The following LMBRD2 variants were observed in gnomAD, a reference collection of about 807,000 sequenced individuals.
The protein encoded by LMBRD2 is LMBR1 domain containing 2.
LMBRD2 carries 55 observed loss-of-function variants against 94.4 expected under a neutral mutation model. That is an observed-to-expected ratio of 0.58 (90% CI 0.47 to 0.73). The LOEUF (loss-of-function observed/expected upper bound fraction) is 0.73. LMBRD2 is among the 30% of genes least tolerant of loss of function. The probability of loss-of-function intolerance (pLI) is 0.00; values close to 1 mark genes in which losing one functional copy is unlikely to be tolerated. For synonymous variants in LMBRD2, 246 were observed against 272.4 expected, an observed-to-expected ratio of 0.90 and a Z score of 0.95; for missense variants, 640 against 831.9, an observed-to-expected ratio of 0.77 and a Z score of 2.84.
intron 16 of LMBRD2, among the ~76,000 whole-genome samples, chr5:36,106,506 TTCG>T (rs1214126869): frequency 7.6e-4 from 103 of 135,622 alleles, no homozygotes; most frequent in Non-Finnish European, 4.7e-4. Context: ...TTTTTTTTCT[TTCG>T]TTTTTTTTTT....
rs565754116 is a variant in LMBRD2 at position 36,102,998 on chromosome 5, G to T, written c.*1048C>A. The T allele has an allele frequency of 3.3e-5, 5 of 151,776 alleles. No homozygotes were observed. Among genetic ancestry groups the T allele is most frequent in the Non-Finnish European group, 5.9e-5 (4 of 67,722 alleles). 9.4% of individuals were successfully genotyped at this position (151,776 alleles called of 1,614,324 possible). A position where few individuals can be genotyped will look rare whatever the true frequency, so the allele number is the denominator to read the frequency against. Reference sequence around the variant, plus strand: ...ACATAAATTTATCTTAAACACAAAGGTTAAAAACAGTCTATTTAGTAAGAA... The same window carrying T: ...ACATAAATTTATCTTAAACACAAAGTTTAAAAACAGTCTATTTAGTAAGAA... On this transcript the variant is annotated 3_prime_UTR_variant, in exon 18 of 18. Transcript: ENST00000296603.
intron 11 of LMBRD2, 133 bp downstream of exon 11, chr5:36,116,327 A>G (rs562967963): frequency 8.2e-6 from 7 of 852,178 alleles, no homozygotes; most frequent in Non-Finnish European, 1.3e-5. Context: ...TCAATTTAAT[A>G]TTTGAAACTA....
intron 16 of LMBRD2, among the ~76,000 whole-genome samples, chr5:36,106,183 T>C (rs1458427336): frequency 6.6e-6 from 1 of 152,156 alleles, no homozygotes; most frequent in Non-Finnish European, 1.5e-5. Context: ...TCTTCCACTC[T>C]ATGGTAAGCA....
chr5:36,122,564 T>G, intron 8 of LMBRD2, 101 bp from the exon 9 acceptor site: 1 of 1,046,898 alleles, frequency 9.6e-7, no homozygotes, highest in African/African-American at 1.6e-5. Flanking sequence ...AATGGGAAAG[T>G]GCTAGGGCAT....
In LMBRD2 at chr5:36,117,809, T is replaced by C. The variant is rs765500272; in HGVS notation, c.1228A>G (p.Thr410Ala). The C allele has an allele frequency of 1.2e-6, 2 of 1,613,822 alleles. No individual in the cohort carries two copies. The highest frequency in any genetic ancestry group is 1.7e-6 in the Non-Finnish European group (2 of 1,179,758). Residue 410 changes from threonine to alanine, a missense_variant, in exon 10 of 18, where the codon ACT becomes GCT. Thr to Ala is a moderately conservative substitution (Grantham distance 58, BLOSUM62 0). Transcript: ENST00000296603. ...GCAAAGAGGGATAAGACAGGAGTAG[T>C]GCTAAAGAATGTGCACTCTGACCAC... is the stretch of plus-strand genomic sequence containing the variant. The part of the protein sequence containing the change: ...VVWSECTFFS[T>A]TPVLSLFAVF...
intron 1 of LMBRD2, among the ~76,000 whole-genome samples, chr5:36,145,210 T>C (rs1042219422): frequency 3.3e-5 from 5 of 152,230 alleles, no homozygotes; most frequent in South Asian, 2.1e-4. Flanking sequence ...TGTAGTTTAG[T>C]ACATACACTA....
At chr5:36,117,710 T>C (rs1743790535) in intron 10 of LMBRD2, 25 bp downstream of exon 10, 1 of 1,502,444 alleles carries the variant, frequency 6.7e-7, no homozygotes, top group Admixed American at 1.8e-5. Flanking sequence ...GACATCTATT[T>C]ATGACAGACA....
intron 6 of LMBRD2, among the ~76,000 whole-genome samples, chr5:36,130,630 C>T (rs1744130186): frequency 6.6e-6 from 1 of 152,036 alleles, no homozygotes; most frequent in South Asian, 2.1e-4. Context: ...TCAAAAGACA[C>T]AGAGTGGCTG....
At chr5:36,141,984 T>C (rs1461532952) in intron 3 of LMBRD2, among the ~76,000 whole-genome samples, 1 of 152,208 alleles carries the variant, frequency 6.6e-6, no homozygotes, top group Non-Finnish European at 1.5e-5. Flanking sequence ...AGTCAACATA[T>C]ATAAGCTTTT....
At position 36,111,213 on chromosome 5, in the gene LMBRD2, C is replaced by A; in HGVS notation, c.1686G>T (p.Met562Ile). The change falls in exon 14 of 18, where the codon ATG becomes ATT. Residue 562 changes from methionine (M) to isoleucine (I), a missense_variant. Met to Ile is a conservative substitution (Grantham distance 10). Transcript: ENST00000296603. The part of the protein sequence containing the change: ...CLNLLGFQQF[M>I]GDDDMTSDLV... Reference sequence around the variant, plus strand: ...AGTCTGATGTCATATCATCATCTCCCATAAACTGCTGGAAACCGAGCAGAT... The same window carrying A: ...AGTCTGATGTCATATCATCATCTCCAATAAACTGCTGGAAACCGAGCAGAT... 1 of 1,612,204 alleles carries A rather than the reference C, an allele frequency of 6.2e-7. No homozygotes were observed.
Position 36,116,484 on chromosome 5 carries a change from G to C in LMBRD2, c.1412C>G (p.Ala471Gly), listed in dbSNP as rs755383035. 1.9e-6 allele frequency: 3 copies of C among 1,612,968 alleles called. No individual in the cohort carries two copies. In the African/African-American group the frequency reaches 4.0e-5, roughly 22 times the overall value. ...CATGCCACTGAAAAGAAGGCTATAAGCATCAGTCTGGTGATGTGAGGCCAA... is the reference window on the plus strand; with the variant it reads ...CATGCCACTGAAAAGAAGGCTATAACCATCAGTCTGGTGATGTGAGGCCAA... ...YYLASHHQTDAYSLLFSGMLF... is the reference protein window; with the variant it reads ...YYLASHHQTDGYSLLFSGMLF... The change falls in exon 11 of 18, where the codon GCT (alanine) becomes GGT (glycine). Residue 471 changes from alanine (A) to glycine (G), a missense_variant. Around this residue, in one of 2 missense-constraint regions of LMBRD2, gnomAD observed 457 missense variants for 642.8 expected, o/e 0.71. Transcript: ENST00000296603.
intron 13 of LMBRD2, among the ~76,000 whole-genome samples, chr5:36,113,828 A>G (rs575325143): frequency 6.6e-6 from 1 of 152,294 alleles, no homozygotes; most frequent in South Asian, 2.1e-4. Context: ...CGAGAAGCCA[A>G]GTACACCTAT....
rs1230484888 is a variant in LMBRD2 at position 36,111,170 on chromosome 5, C to A, written c.1729G>T (p.Glu577Ter). The change falls in exon 14 of 18, where the codon GAA (glutamate) becomes TAA (stop). Residue 577 changes from glutamate to a stop codon, truncating the protein, a stop_gained. Transcript: ENST00000296603. LOFTEE classifies it high-confidence loss of function. ...MTSDLVNEGK[E>*]LIRKEKRKRQ... is the part of the protein sequence containing the mutation. Reference sequence around the variant, plus strand: ...CAAATCTTACCTTTTCTGATTAATTCTTTTCCTTCATTAACTAAGTCTGAT... The same window carrying A: ...CAAATCTTACCTTTTCTGATTAATTATTTTCCTTCATTAACTAAGTCTGAT... 1.9e-6 allele frequency: 3 copies of A among 1,600,200 alleles called. No individual in the cohort carries two copies. The highest frequency in any genetic ancestry group is 1.1e-5 in the South Asian group (1 of 90,008).
intron 16 of LMBRD2, among the ~76,000 whole-genome samples, chr5:36,107,924 G>C (rs1380412704): frequency 6.6e-6 from 1 of 152,086 alleles, no homozygotes; most frequent in Non-Finnish European, 1.5e-5. Context: ...CCCAAAAACA[G>C]CCTCTTCCTT....
At position 36,136,495 on chromosome 5, in the gene LMBRD2, T is replaced by A. The variant is rs1744274876; in HGVS notation, c.561A>T (p.Ile187=). 1 of 1,613,904 alleles carries A rather than the reference T, an allele frequency of 6.2e-7. No individual in the cohort carries two copies. Among genetic ancestry groups the A allele is most frequent in the South Asian group, 1.1e-5 (1 of 91,090 alleles). Residue 187 remains isoleucine (I), a synonymous_variant, in exon 6 of 18, where the codon ATA becomes ATT. Transcript: ENST00000296603. ...LEWNQLQTIG[I]AAANTWGLFL... ...ACAGACCCCATGTATTTGCAGCAGC[T>A]ATCCCAATTGTCTGAAGCTGGTTCC... is the stretch of plus-strand genomic sequence containing the variant.
intron 3 of LMBRD2, among the ~76,000 whole-genome samples, chr5:36,142,250 A>G (rs1359726465): frequency 6.6e-6 from 1 of 152,158 alleles, no homozygotes; most frequent in African/African-American, 2.4e-5. Context: ...AACCAGGACT[A>G]AAAAATCAGG....
intron 16 of LMBRD2, among the ~76,000 whole-genome samples, chr5:36,107,771 C>A (rs1009324050): frequency 6.6e-6 from 1 of 152,178 alleles, no homozygotes; most frequent in Non-Finnish European, 1.5e-5. Context: ...CCTCCTCCAA[C>A]AATTGACTAC....
chr5:36,146,016 G>C (rs1156405492), intron 1 of LMBRD2, among the ~76,000 whole-genome samples: 1 of 152,170 alleles, frequency 6.6e-6, no homozygotes, highest in Non-Finnish European at 1.5e-5. Context: ...TTATAAACCT[G>C]ACACTAGCTA....
intron 1 of LMBRD2, among the ~76,000 whole-genome samples, chr5:36,145,778 T>A (rs1013499195): frequency 6.6e-5 from 10 of 152,152 alleles, no homozygotes; most frequent in Non-Finnish European, 1.5e-4. Flanking sequence ...AAAGAAATGC[T>A]AAATAAAGCA....
Sources: gnomAD v4.1 joint callset for allele counts (sites outside exome capture counted in the v4.1 genomes callset) on GRCh38, gnomAD v4.1.1 for gene constraint, gnomAD v4.1.1 regional missense constraint, MANE v1.5 for transcripts, NCBI Gene and HGNC (gene_info 2026-07-23, HGNC 2026-07-21) for gene names.